The following FAM149B1 variants were observed in gnomAD, a reference collection of about 807,000 sequenced individuals.
FAM149B1 encodes family with sequence similarity 149 member B1, also known as primary cilium assembly protein FAM149B1.
A neutral mutation model predicts 75.3 loss-of-function variants in FAM149B1; 56 were observed. The ratio of observed to expected loss-of-function variants is 0.74; its 90% CI spans 0.60 to 0.93. The LOEUF (loss-of-function observed/expected upper bound fraction) is 0.93. FAM149B1 is among the 40% of genes least tolerant of loss of function. The probability of loss-of-function intolerance (pLI) is 0.00; values close to 1 mark genes in which losing one functional copy is unlikely to be tolerated. For synonymous variants in FAM149B1, 259 were observed against 256.1 expected (o/e 1.01, Z -0.11); for missense variants, 639 against 708.4 (o/e 0.90, Z 1.11).
At chr10:73,219,898 T>A (rs1412060430) in intron 7 of FAM149B1, among the ~76,000 whole-genome samples, 1 of 151,776 alleles carries the variant, frequency 6.6e-6, no homozygotes, top group African/African-American at 2.4e-5. Flanking sequence ...AAAGAAAAAA[T>A]AATTTGGACT....
chr10:73,174,351 G>T (rs2133296643), intron 1 of FAM149B1, among the ~76,000 whole-genome samples: 1 of 152,148 alleles, frequency 6.6e-6, no homozygotes, highest in African/African-American at 2.4e-5. Context: ...TTTAATTTTA[G>T]CTGTTCTAAT....
At chr10:73,200,678 G>A (rs2042914151) in intron 5 of FAM149B1, 2 of 517,308 alleles carry the variant, frequency 3.9e-6, no homozygotes, top group African/African-American at 2.0e-5. Context: ...TGTGTTGGAA[G>A]TGACCAAAAA....
chr10:73,228,730 T>G (rs1421278820), intron 8 of FAM149B1, among the ~76,000 whole-genome samples: 1 of 152,126 alleles, frequency 6.6e-6, no homozygotes, highest in Non-Finnish European at 1.5e-5. Context: ...CCTGAGTACC[T>G]GGGATTACAG....
rs1189888319 is a variant in FAM149B1 at position 73,210,241 on chromosome 10, T to G, written c.711-10T>G. 1.3e-6 allele frequency: 2 copies of G among 1,545,370 alleles called. No individual in the cohort carries two copies. Among genetic ancestry groups the G allele is most frequent in the East Asian group, 4.9e-5 (2 of 40,880 alleles). On this transcript the variant is annotated splice_polypyrimidine_tract_variant and intron_variant, in intron 6 of 13. Coordinates refer to ENST00000242505, the MANE Select transcript of FAM149B1 (RefSeq NM_173348.2). ...CATCATGAAGTCTTTCCTTCTTGCT[T>G]CTGTTACAGAGAAGAGGGATTTCAT...
At chr10:73,196,573 G>A (rs1329291185) in intron 5 of FAM149B1, among the ~76,000 whole-genome samples, 4 of 152,160 alleles carry the variant, frequency 2.6e-5, no homozygotes, top group Non-Finnish European at 5.9e-5. Context: ...CAACCGCTAA[G>A]ACTTTCTATA....
At chr10:73,227,567 A>T (rs2043580453) in intron 7 of FAM149B1, among the ~76,000 whole-genome samples, 1 of 152,184 alleles carries the variant, frequency 6.6e-6, no homozygotes, top group African/African-American at 2.4e-5. Context: ...AGTGATTTCT[A>T]ATCTCATAAC....
chr10:73,230,765 C>A, intron 9 of FAM149B1: 1 of 400,002 alleles, frequency 2.5e-6, no homozygotes, highest in Non-Finnish European at 4.7e-6. Context: ...AACTGAGTGC[C>A]ATGTGCGTGC....
At chr10:73,174,642 G>A in intron 1 of FAM149B1, 45 bp from the exon 2 acceptor site, 1 of 1,331,980 alleles carries the variant, frequency 7.5e-7, no homozygotes, top group South Asian at 1.3e-5. Flanking sequence ...TGAATTGTAT[G>A]TATTTTTTTA....
chr10:73,177,039 A>C (rs1483123119), intron 2 of FAM149B1, among the ~76,000 whole-genome samples: 2 of 147,444 alleles, frequency 1.4e-5, no homozygotes. Context: ...AAAACAAAAC[A>C]AAAGTACAAA....
chr10:73,170,732 T>C (rs1843677504), intron 1 of FAM149B1, among the ~76,000 whole-genome samples: 1 of 152,166 alleles, frequency 6.6e-6, no homozygotes, highest in Admixed American at 6.5e-5. Flanking sequence ...GTAAACTCTT[T>C]GGGAACTAGG....
chr10:73,195,434 A>G (rs775913445), intron 5 of FAM149B1, among the ~76,000 whole-genome samples: 100 of 152,292 alleles, frequency 6.6e-4, no homozygotes, highest in African/African-American at 2.4e-3. Context: ...AATATAAAAA[A>G]TTTTACAACC....
chr10:73,185,515 T>A (rs2042500556), intron 3 of FAM149B1, among the ~76,000 whole-genome samples: 1 of 152,170 alleles, frequency 6.6e-6, no homozygotes, highest in East Asian at 1.9e-4. Context: ...CACTACTGCA[T>A]TCCACTGGGC....
intron 7 of FAM149B1, among the ~76,000 whole-genome samples, chr10:73,211,265 G>A (rs1453615801): frequency 6.6e-6 from 1 of 152,196 alleles, no homozygotes; most frequent in Non-Finnish European, 1.5e-5. Context: ...AGGTTAAGGG[G>A]TGGGGCTGAA....
intron 7 of FAM149B1, 122 bp from the exon 8 acceptor site, chr10:73,227,938 C>G: frequency 1.9e-6 from 2 of 1,056,342 alleles, no homozygotes; most frequent in Non-Finnish European, 2.8e-6. Context: ...TAAAATTGTA[C>G]TGCAAAGATA....
At chr10:73,237,041 CTG>C (rs2043838481) in intron 12 of FAM149B1, among the ~76,000 whole-genome samples, 1 of 152,142 alleles carries the variant, frequency 6.6e-6, no homozygotes, top group South Asian at 2.1e-4. Context: ...GCTTTCCTCC[CTG>C]TGTGTCTGTG....
At chr10:73,196,749 T>C (rs2042813763) in intron 5 of FAM149B1, among the ~76,000 whole-genome samples, 1 of 152,222 alleles carries the variant, frequency 6.6e-6, no homozygotes, top group South Asian at 2.1e-4. Flanking sequence ...TATTATCAGC[T>C]GGCCCCTGCC....
At chr10:73,188,256 G>T (rs1192015638) in intron 3 of FAM149B1, among the ~76,000 whole-genome samples, 3 of 152,098 alleles carry the variant, frequency 2.0e-5, no homozygotes, top group Admixed American at 1.3e-4. Context: ...AACAAATGTT[G>T]CTGGGACAAT....
intron 12 of FAM149B1, 145 bp downstream of exon 12, chr10:73,235,463 T>G: frequency 6.9e-7 from 1 of 1,441,804 alleles, no homozygotes; most frequent in South Asian, 1.5e-5. Flanking sequence ...GTGTTATAAA[T>G]ACATTTTGTT....
chr10:73,238,973 T>A (rs2043884414), intron 12 of FAM149B1: 1 of 177,578 alleles, frequency 5.6e-6, no homozygotes, highest in African/African-American at 2.4e-5. Context: ...AGCATTCATT[T>A]AAAATATATG....
Sources: allele counts gnomAD v4.1 joint callset (sites outside exome capture counted in the v4.1 genomes callset), GRCh38; gene constraint gnomAD v4.1.1; transcripts MANE v1.5; gene names NCBI Gene and HGNC (gene_info 2026-07-23, HGNC 2026-07-21).